Variants in MACROD2 observed in about 807,000 individuals in gnomAD.
MACROD2 encodes the protein mono-ADP ribosylhydrolase 2, also known as ADP-ribose glycohydrolase MACROD2.
MACROD2 carries 36 observed loss-of-function variants against 70.4 expected under a neutral mutation model. That is an observed-to-expected ratio of 0.51 (90% CI 0.39 to 0.68). MACROD2 has a LOEUF of 0.68. Ranked by LOEUF, MACROD2 falls within the 30% of genes least tolerant of loss-of-function variation. The pLI is 0.00. For missense variants in MACROD2, 496 were observed against 538.4 expected (o/e 0.92, Z 0.78); for synonymous variants, 172 against 178.8 (o/e 0.96, Z 0.30).
intron 8 of MACROD2, among the ~76,000 whole-genome samples, chr20:15,594,613 G>C (rs1177222631): frequency 2.6e-5 from 4 of 152,094 alleles, no homozygotes; most frequent in Non-Finnish European, 5.9e-5. Flanking sequence ...TTCTGCTTCT[G>C]TGAGACTAAT....
At chr20:15,805,055 C>T (rs972491093) in intron 8 of MACROD2, among the ~76,000 whole-genome samples, 3 of 152,198 alleles carry the variant, frequency 2.0e-5, no homozygotes, top group Admixed American at 1.3e-4. Context: ...CTCTATCTCA[C>T]TTTTCAATGT....
chr20:15,684,181 C>A (rs1206617124), intron 8 of MACROD2, among the ~76,000 whole-genome samples: 1 of 152,112 alleles, frequency 6.6e-6, no homozygotes, highest in Non-Finnish European at 1.5e-5. Flanking sequence ...TGGTCCACCC[C>A]AGATTGGCTT....
chr20:15,902,754 G>T (rs909473214), intron 10 of MACROD2, among the ~76,000 whole-genome samples: 2 of 152,104 alleles, frequency 1.3e-5, no homozygotes, highest in African/African-American at 4.8e-5. Context: ...TCATGTGAGT[G>T]AACCGTCTTG....
chr20:16,049,738 C>A, intron 17 of MACROD2, 92 bp from the exon 18 acceptor site: 1 of 1,304,154 alleles, frequency 7.7e-7, no homozygotes, highest in Non-Finnish European at 1.1e-6. Flanking sequence ...GGGTGAGAGA[C>A]ATTTAAATGG....
chr20:14,055,507 C>CAAAAA lies in MACROD2; in HGVS notation c.164-30100_164-30096dup, dbSNP rs4052606. On this transcript the variant is annotated intron_variant, in intron 2 of 17. Transcript: ENST00000684519. ...AGGGAAAGATCAGAAGTTTCAGGAG[C>CAAAAA]AAAAAAAAAAAAAAAAAATACATAT... Among the ~76,000 whole-genome samples, 6 of 103,204 alleles carry CAAAAA rather than the reference C, an allele frequency of 5.8e-5. No individual in the cohort carries two copies. The South Asian group carries it at 9.8e-4, about 17-fold the overall frequency. 67.7% of individuals were successfully genotyped at this position (103,204 alleles called of 152,430 possible).
chr20:15,047,059 T>C (rs1053286291), intron 5 of MACROD2, among the ~76,000 whole-genome samples: 1 of 152,210 alleles, frequency 6.6e-6, no homozygotes, highest in African/African-American at 2.4e-5. Context: ...TGCTTATCAA[T>C]GTGTTTTGTT....
At chr20:14,630,070 A>C (rs1984423446) in intron 4 of MACROD2, among the ~76,000 whole-genome samples, 1 of 152,120 alleles carries the variant, frequency 6.6e-6, no homozygotes, top group African/African-American at 2.4e-5. Flanking sequence ...ACAGAGGCAA[A>C]GGAAAGCTAA....
chr20:14,011,448 T>A (rs1277067174), intron 2 of MACROD2, among the ~76,000 whole-genome samples: 1 of 150,482 alleles, frequency 6.6e-6, no homozygotes, highest in Non-Finnish European at 1.5e-5. Context: ...ATGAATGTCT[T>A]TTGTGGCATT....
intron 8 of MACROD2, among the ~76,000 whole-genome samples, chr20:15,631,407 A>AT (rs150732036): frequency 0.019 from 2,881 of 150,724 alleles, 79 homozygotes; most frequent in African/African-American, 0.066. Context: ...TCAAATGATG[A>AT]TTTTTTTTTT....
chr20:15,597,387 G>A (rs1241980025), intron 8 of MACROD2, among the ~76,000 whole-genome samples: 1 of 152,188 alleles, frequency 6.6e-6, no homozygotes, highest in Non-Finnish European at 1.5e-5. Context: ...TGGATTTATT[G>A]GGGCAAAGGA....
intron 4 of MACROD2, among the ~76,000 whole-genome samples, chr20:14,553,682 T>A (rs931561139): frequency 6.6e-6 from 1 of 152,144 alleles, no homozygotes; most frequent in African/African-American, 2.4e-5. Context: ...TCACCTTGTA[T>A]ATGCAGTCCA....
Position 14,160,231 on chromosome 20 carries a change from T to C in MACROD2, c.271+74503T>C, listed in dbSNP as rs926039563. 1.8e-4 allele frequency among the ~76,000 whole-genome samples: 27 copies of C among 152,228 alleles called. 1 individual carries two copies. Among genetic ancestry groups the C allele is most frequent in the Non-Finnish European group, 1.5e-5 (1 of 68,038 alleles). On this transcript the variant is annotated intron_variant, in intron 3 of 17. Coordinates refer to ENST00000684519, the MANE Select transcript of MACROD2 (RefSeq NM_001351661.2). ...TTTTGGAATCAGGATAATGCTGATC[T>C]TATGGAATGAATTAGAGATAATTCC...
rs548922379 is a variant in MACROD2 at position 14,229,560 on chromosome 20, A to G, written c.271+143832A>G. On this transcript the variant is annotated intron_variant, in intron 3 of 17. Transcript: ENST00000684519. The stretch of plus-strand genomic sequence containing the variant: ...TAAACCCAAAACTCTGATAACATTG[A>G]ATGCTGACAAGGACGTGGAACAACA... Among the ~76,000 whole-genome samples, 5 of 152,340 alleles carry G rather than the reference A, an allele frequency of 3.3e-5. No individual in the cohort carries two copies. The South Asian group carries it at 1.0e-3, about 32-fold the overall frequency.
intron 3 of MACROD2, among the ~76,000 whole-genome samples, chr20:14,484,405 C>T (rs35610301): frequency 0.15 from 22,686 of 151,918 alleles, 2,402 homozygotes; most frequent in Non-Finnish European, 0.21. Context: ...ATGGGGTATC[C>T]ATCACCTCAA....
chr20:15,772,101 A>AAAT (rs1555777716), intron 8 of MACROD2, among the ~76,000 whole-genome samples: 5 of 91,442 alleles, frequency 5.5e-5, no homozygotes, highest in African/African-American at 1.5e-4. Flanking sequence ...AAAAAAAAAA[A>AAAT]ATATATATAT....
intron 5 of MACROD2, among the ~76,000 whole-genome samples, chr20:14,687,651 G>A (rs1020861158): frequency 6.6e-6 from 1 of 152,166 alleles, no homozygotes; most frequent in Non-Finnish European, 1.5e-5. Context: ...TGAGAGCTGA[G>A]ATCCTGAGAG....
intron 6 of MACROD2, among the ~76,000 whole-genome samples, chr20:15,305,576 G>C (rs2077689660): frequency 6.6e-6 from 1 of 151,954 alleles, no homozygotes; most frequent in East Asian, 1.9e-4. Flanking sequence ...GGTATCAATG[G>C]CTGGGTCCAC....
chr20:15,013,767 G>T (rs2075100975), intron 5 of MACROD2, among the ~76,000 whole-genome samples: 1 of 152,096 alleles, frequency 6.6e-6, no homozygotes, highest in African/African-American at 2.4e-5. Context: ...TAAAGCTCCT[G>T]CAGGTTAACC....
chr20:14,801,630 T>C (rs188532776), intron 5 of MACROD2, among the ~76,000 whole-genome samples: 8 of 152,204 alleles, frequency 5.3e-5, no homozygotes, highest in African/African-American at 1.9e-4. Flanking sequence ...ATTTGGAGTT[T>C]CCAGGGAGAG....
Sources: gnomAD v4.1 joint callset for allele counts (sites outside exome capture counted in the v4.1 genomes callset) on GRCh38, gnomAD v4.1.1 for gene constraint, MANE v1.5 for transcripts, NCBI Gene and HGNC (gene_info 2026-07-23, HGNC 2026-07-21) for gene names.